KIAA1549: variants seen among roughly 807,000 people sequenced by gnomAD.
The protein encoded by KIAA1549 is KIAA1549, also known as UPF0606 protein KIAA1549.
In KIAA1549, 70 loss-of-function variants were observed where a neutral mutation model predicts 156.4. The observed-to-expected ratio is 0.45, with a 90% CI of 0.37 to 0.55. KIAA1549 has a LOEUF of 0.55. Ranked by LOEUF, KIAA1549 falls within the 20% of genes least tolerant of loss-of-function variation. KIAA1549 has a pLI of 0.00. For missense variants in KIAA1549, 2,428 were observed against 2,540.9 expected (o/e 0.96, Z 0.96); for synonymous variants, 1,103 against 1,066.4 (o/e 1.03, Z -0.67).
At chr7:138,909,228 T>C (rs970957189) in intron 4 of KIAA1549, 107 bp from the exon 5 acceptor site, 23 of 1,133,566 alleles carry the variant, frequency 2.0e-5, no homozygotes, top group South Asian at 7.1e-5. Flanking sequence ...AATTCATCCA[T>C]AGTATGGGAT....
chr7:138,870,879 G>A (rs886983205), intron 13 of KIAA1549, among the ~76,000 whole-genome samples: 1 of 152,072 alleles, frequency 6.6e-6, no homozygotes, highest in African/African-American at 2.4e-5. Context: ...GTGCAGTGGC[G>A]AGATCCCGGC....
chr7:138,964,046 TA>T (rs1327652365), intron 1 of KIAA1549, among the ~76,000 whole-genome samples: 1 of 152,192 alleles, frequency 6.6e-6, no homozygotes, highest in Admixed American at 6.5e-5. Context: ...TTTGCCGAAA[TA>T]AAGTAAAATG....
intron 1 of KIAA1549, among the ~76,000 whole-genome samples, chr7:138,958,186 G>A (rs1408098464): frequency 6.6e-6 from 1 of 152,130 alleles, no homozygotes; most frequent in Admixed American, 6.5e-5. Context: ...CCACATGCGC[G>A]GGCCACAAGA....
intron 1 of KIAA1549, among the ~76,000 whole-genome samples, chr7:138,940,847 C>A (rs1207377428): frequency 6.6e-6 from 1 of 152,184 alleles, no homozygotes; most frequent in Non-Finnish European, 1.5e-5. Context: ...CTTTCACCCA[C>A]TTGTTGATGG....
chr7:138,917,413 G>C lies in KIAA1549; in HGVS notation c.2213C>G (p.Thr738Arg), dbSNP rs779260078. The C allele has an allele frequency of 2.5e-6, 4 of 1,613,954 alleles. No homozygotes were observed. Among genetic ancestry groups the C allele is most frequent in the Non-Finnish European group, 3.4e-6 (4 of 1,179,854 alleles). ...TGAGGTAAAATGAGCTTCTGAATCC[G>C]TCAGTGAAACCGTAGACGCTTCAAC... ...EFVEASTVSL[T>R]DSEAHFTSAF... Residue 738 changes from threonine (T) to arginine (R), a missense_variant, in exon 2 of 20, where the codon ACG becomes AGG. Physicochemically the swap from Thr to Arg is moderately conservative, Grantham distance 71 (BLOSUM62 -1). This residue lies in a region of KIAA1549 where 762 missense variants were observed against 901.6 expected (regional missense o/e 0.85). Coordinates refer to ENST00000422774, the MANE Select transcript of KIAA1549 (RefSeq NM_001164665.2).
At chr7:138,949,260 CG>C (rs1563090148) in intron 1 of KIAA1549, among the ~76,000 whole-genome samples, 1 of 152,112 alleles carries the variant, frequency 6.6e-6, no homozygotes, top group African/African-American at 2.4e-5. Context: ...TACCCCAAGT[CG>C]CTGAAAGATA....
Position 138,835,504 on chromosome 7 carries a change from A to C in KIAA1549, c.*2402T>G, listed in dbSNP as rs1809680790. On this transcript the variant is annotated 3_prime_UTR_variant, in exon 20 of 20. Coordinates refer to ENST00000422774, the MANE Select transcript of KIAA1549 (RefSeq NM_001164665.2). ...ATTTGAAACAGAACCCTCTTTCTGC[A>C]ATGCTCAAAGGAGGTTACCATTTTT... 3 of 222,186 alleles carry C rather than the reference A, an allele frequency of 1.4e-5. No homozygotes were observed. In the South Asian group the frequency reaches 5.5e-4, roughly 41 times the overall value. 13.8% of individuals were successfully genotyped at this position (222,186 alleles called of 1,614,324 possible).
chr7:138,863,483 C>T (rs1810647770), intron 15 of KIAA1549, among the ~76,000 whole-genome samples: 1 of 152,078 alleles, frequency 6.6e-6, no homozygotes, highest in African/African-American at 2.4e-5. Context: ...AGGTTCTTAA[C>T]TCCAAACTGA....
chr7:138,981,329 G>T lies in KIAA1549; in HGVS notation c.-60C>A. The T allele has an allele frequency of 8.7e-6, 6 of 692,522 alleles. No individual in the cohort carries two copies. The highest frequency in any genetic ancestry group is 1.1e-5 in the Non-Finnish European group (6 of 565,222). 42.9% of individuals were successfully genotyped at this position (692,522 alleles called of 1,614,324 possible). A position where few individuals can be genotyped will look rare whatever the true frequency, so the allele number is the denominator to read the frequency against. ...AGCGGCTCTCGGGTCCGGGAGGGGC[G>T]GCCGCTGCGGCTGCGGCTGGGACGG... On this transcript the variant is annotated 5_prime_UTR_variant, in exon 1 of 20. Transcript: ENST00000422774. This position sits in a 1 kb window ranked among gnomAD's most constrained non-coding sequence, Gnocchi z 4.5.
intron 1 of KIAA1549, among the ~76,000 whole-genome samples, chr7:138,955,090 G>A (rs1427091220): frequency 6.6e-6 from 1 of 152,164 alleles, no homozygotes; most frequent in African/African-American, 2.4e-5. Flanking sequence ...GTCCTACTAT[G>A]TGCCAGAGAC....
chr7:138,843,362 GC>G (rs954829689), intron 18 of KIAA1549, among the ~76,000 whole-genome samples: 1 of 152,088 alleles, frequency 6.6e-6, no homozygotes, highest in Non-Finnish European at 1.5e-5. Flanking sequence ...TTTCAGGTTG[GC>G]CCACTTAATT....
chr7:138,866,568 T>G (rs762080241), intron 15 of KIAA1549, among the ~76,000 whole-genome samples: 4 of 152,130 alleles, frequency 2.6e-5, no homozygotes, highest in Non-Finnish European at 4.4e-5. Context: ...AGGGCTCTCC[T>G]GGTATGGAGT....
At chr7:138,946,434 G>C (rs1813339491) in intron 1 of KIAA1549, among the ~76,000 whole-genome samples, 1 of 152,088 alleles carries the variant, frequency 6.6e-6, no homozygotes, top group African/African-American at 2.4e-5. Flanking sequence ...TTGGCTATGG[G>C]GAGAGGAGGA....
rs753905366 is a variant in KIAA1549 at position 138,917,734 on chromosome 7, G to A, written c.1892C>T (p.Pro631Leu). The A allele has an allele frequency of 1.6e-5, 25 of 1,589,686 alleles. No homozygotes were observed. Among genetic ancestry groups the A allele is most frequent in the South Asian group, 3.4e-5 (3 of 87,708 alleles). Reference sequence around the variant, plus strand: ...AGAGATGGAGCCGCTGAGTTCCAGCGGGGGTGTTGAGAAAAAGCTGGATGC... The same window carrying A: ...AGAGATGGAGCCGCTGAGTTCCAGCAGGGGTGTTGAGAAAAAGCTGGATGC... Reference protein sequence around the residue: ...DFASSFFSTPPLELSGSISSP... With the variant: ...DFASSFFSTPLLELSGSISSP... The change falls in exon 2 of 20, where the codon CCG (proline) becomes CTG (leucine). Residue 631 changes from proline (P) to leucine (L), a missense_variant. Pro to Leu is a moderately conservative substitution (Grantham distance 98). This residue lies in a region of KIAA1549 where 893 missense variants were observed against 847.9 expected (regional missense o/e 1.05). Coordinates refer to ENST00000422774, the MANE Select transcript of KIAA1549 (RefSeq NM_001164665.2).
At chr7:138,899,358 A>G (rs1189111293) in intron 8 of KIAA1549, among the ~76,000 whole-genome samples, 1 of 152,092 alleles carries the variant, frequency 6.6e-6, no homozygotes, top group Non-Finnish European at 1.5e-5. Context: ...ATCTCGCTCT[A>G]CATCTTTTCT....
At chr7:138,886,281 T>TC (rs1334292232) in intron 10 of KIAA1549, among the ~76,000 whole-genome samples, 1 of 151,364 alleles carries the variant, frequency 6.6e-6, no homozygotes, top group Non-Finnish European at 1.5e-5. Context: ...ACCTAAGGTC[T>TC]TTTTTTTTCA....
At position 138,832,042 on chromosome 7, in the gene KIAA1549, A is replaced by G. The variant is rs899477080; in HGVS notation, c.*5864T>C. 1 of 231,526 alleles carries G rather than the reference A, an allele frequency of 4.3e-6. No homozygotes were observed. Among genetic ancestry groups the G allele is most frequent in the Non-Finnish European group, 8.5e-6 (1 of 117,070 alleles). 14.3% of individuals were successfully genotyped at this position (231,526 alleles called of 1,614,324 possible). ...TGTACTATTCCCAACTTGTACACTT[A>G]GGGAGTCAAGTTATGAATACTTGAA... On this transcript the variant is annotated 3_prime_UTR_variant, in exon 20 of 20. Coordinates refer to ENST00000422774, the MANE Select transcript of KIAA1549 (RefSeq NM_001164665.2).
chr7:138,958,969 G>A (rs964297909), intron 1 of KIAA1549, among the ~76,000 whole-genome samples: 1 of 151,780 alleles, frequency 6.6e-6, no homozygotes, highest in Admixed American at 6.6e-5. Context: ...GCACAATCTC[G>A]GCTCACTGCA....
chr7:138,861,679 C>A (rs537016930), intron 15 of KIAA1549, among the ~76,000 whole-genome samples: 20 of 149,512 alleles, frequency 1.3e-4, no homozygotes, highest in African/African-American at 4.7e-4. Context: ...AAGTGAGACC[C>A]CCCCCATCTC....
Sources: gnomAD v4.1 joint callset for allele counts (sites outside exome capture counted in the v4.1 genomes callset) on GRCh38, gnomAD v4.1.1 for gene constraint, gnomAD v4.1.1 regional missense constraint, Gnocchi (gnomAD v3.1) non-coding constraint, MANE v1.5 for transcripts, NCBI Gene and HGNC (gene_info 2026-07-23, HGNC 2026-07-21) for gene names.